The following EXOC2 variants were observed in gnomAD, a reference collection of about 807,000 sequenced individuals.
The protein encoded by EXOC2 is exocyst complex component 2.
EXOC2 carries 70 observed loss-of-function variants against 131.8 expected under a neutral mutation model. That is an observed-to-expected ratio of 0.53 (90% CI 0.44 to 0.65). The LOEUF is 0.65. EXOC2 is among the 30% of genes least tolerant of loss of function. EXOC2 has a pLI of 0.00. For synonymous variants in EXOC2, 411 were observed against 398.4 expected (o/e 1.03, Z -0.38); for missense variants, 923 against 1,108.6 (o/e 0.83, Z 2.38).
intron 4 of EXOC2, among the ~76,000 whole-genome samples, chr6:621,782 A>T (rs1199516228): frequency 6.6e-6 from 1 of 152,132 alleles, no homozygotes; most frequent in Non-Finnish European, 1.5e-5. Context: ...AGTCTCTGGG[A>T]GGGAGGTGGA....
intron 1 of EXOC2, among the ~76,000 whole-genome samples, chr6:658,439 T>G (rs1438113997): frequency 1.3e-5 from 2 of 151,950 alleles, no homozygotes; most frequent in African/African-American, 2.4e-5. Context: ...ATATAGTACA[T>G]ACTTAGACTT....
intron 22 of EXOC2, among the ~76,000 whole-genome samples, 153 bp from the exon 23 acceptor site, chr6:532,763 A>T (rs1487863759): frequency 6.6e-6 from 1 of 152,228 alleles, no homozygotes; most frequent in Non-Finnish European, 1.5e-5. Context: ...AGTAACAAAG[A>T]TCTCTTTTAG....
At chr6:641,296 G>A (rs977694240) in intron 1 of EXOC2, among the ~76,000 whole-genome samples, 1 of 152,146 alleles carries the variant, frequency 6.6e-6, no homozygotes, top group Non-Finnish European at 1.5e-5. Context: ...GTATAATAGA[G>A]TATTTGACCT....
At chr6:656,653 A>G (rs773110049) in intron 1 of EXOC2, 1 of 1,607,166 alleles carries the variant, frequency 6.2e-7, no homozygotes, top group South Asian at 1.1e-5. Context: ...TTCAGGGAGG[A>G]CGCGCCCGCT....
chr6:674,863 C>T (rs2127783679), intron 1 of EXOC2, among the ~76,000 whole-genome samples: 1 of 152,210 alleles, frequency 6.6e-6, no homozygotes, highest in South Asian at 2.1e-4. Flanking sequence ...GAATACCCTT[C>T]AATTAGGCTC....
intron 13 of EXOC2, among the ~76,000 whole-genome samples, chr6:568,477 C>T (rs572517075): frequency 9.9e-5 from 15 of 152,200 alleles, no homozygotes; most frequent in Non-Finnish European, 1.9e-4. Context: ...CAGACCCTTG[C>T]GGCTTGTCAG....
chr6:558,459 A>G (rs1485645692), intron 17 of EXOC2, among the ~76,000 whole-genome samples: 1 of 152,226 alleles, frequency 6.6e-6, no homozygotes, highest in Non-Finnish European at 1.5e-5. Context: ...AGATGTTACA[A>G]TGATAATTAT....
chr6:659,904 AG>A (rs1363910222), intron 1 of EXOC2, among the ~76,000 whole-genome samples: 1 of 150,506 alleles, frequency 6.6e-6, no homozygotes, highest in Non-Finnish European at 1.5e-5. Flanking sequence ...CAGACTCCAC[AG>A]GCGGGGACAG....
At chr6:545,901 TAAATA>T in intron 22 of EXOC2, among the ~76,000 whole-genome samples, 1 of 152,284 alleles carries the variant, frequency 6.6e-6, no homozygotes, top group East Asian at 1.9e-4. Flanking sequence ...ACAAAAATAT[TAAATA>T]AAAATGGAAA....
rs1207569328 is a variant in EXOC2, at chr6:592,562, C to T, written c.1099G>A (p.Gly367Ser). The T allele has an allele frequency of 6.2e-7, 1 of 1,614,048 alleles. No individual in the cohort carries two copies. The highest frequency in any genetic ancestry group is 2.2e-5 in the East Asian group (1 of 44,884). Reference protein sequence around the residue: ...IRYLSDLHASGDPAWQCIGAQ... With the variant: ...IRYLSDLHASSDPAWQCIGAQ... ...CCAATGCATTGCCAAGCAGGGTCAC[C>T]AGACGCATGAAGGTCAGACAGGTAC... is the stretch of plus-strand genomic sequence containing the variant. Residue 367 changes from glycine (G) to serine (S), a missense_variant, in exon 11 of 28, where the codon GGT (glycine) becomes AGT (serine). Transcript: ENST00000230449.
chr6:557,895 C>T (rs1031305234), intron 17 of EXOC2, among the ~76,000 whole-genome samples: 8 of 152,060 alleles, frequency 5.3e-5, no homozygotes, highest in Non-Finnish European at 1.2e-4. Context: ...AACATGAGCA[C>T]AAGTCTTGAG....
chr6:549,840 TA>T (rs1757052660), intron 21 of EXOC2, among the ~76,000 whole-genome samples: 1 of 152,196 alleles, frequency 6.6e-6, no homozygotes, highest in Non-Finnish European at 1.5e-5. Flanking sequence ...AAACAAGGAA[TA>T]ATCTCCCTCT....
rs189147242 is a variant in EXOC2, at chr6:602,634, T to C, written c.743-3409A>G. ...AGGCTGTAGGACAAACCCTGATCTCTATTTGCCAGCCTTGGGCAAACCAAG... is the reference window on the plus strand; with the variant it reads ...AGGCTGTAGGACAAACCCTGATCTCCATTTGCCAGCCTTGGGCAAACCAAG... On this transcript the variant is annotated intron_variant, in intron 7 of 27. Transcript: ENST00000230449. Among the ~76,000 whole-genome samples the C allele has an allele frequency of 1.9e-4, 29 of 152,364 alleles. No homozygotes were observed. The East Asian group carries it at 5.4e-3, about 28-fold the overall frequency.
intron 17 of EXOC2, among the ~76,000 whole-genome samples, chr6:557,402 G>A (rs904985163): frequency 2.6e-5 from 4 of 152,018 alleles, no homozygotes; most frequent in Non-Finnish European, 5.9e-5. Flanking sequence ...GGCGGATCAC[G>A]AGGTCAAGAG....
chr6:690,327 G>C (rs1457168231), intron 1 of EXOC2, among the ~76,000 whole-genome samples: 4 of 152,180 alleles, frequency 2.6e-5, no homozygotes, highest in African/African-American at 9.7e-5. Flanking sequence ...CTGCACTCTA[G>C]CCTGGGTGAC....
intron 23 of EXOC2, among the ~76,000 whole-genome samples, chr6:505,371 G>A (rs983463224): frequency 6.6e-6 from 1 of 152,218 alleles, no homozygotes; most frequent in Non-Finnish European, 1.5e-5. Context: ...GCCGTGGCCT[G>A]AGCGAAGAGG....
At chr6:659,748 C>T (rs1459295622) in intron 1 of EXOC2, among the ~76,000 whole-genome samples, 2 of 152,204 alleles carry the variant, frequency 1.3e-5, no homozygotes, top group Non-Finnish European at 2.9e-5. Flanking sequence ...TGCCTGGCAC[C>T]ACAGGGATCC....
intron 1 of EXOC2, among the ~76,000 whole-genome samples, chr6:674,424 A>T (rs990551391): frequency 2.6e-5 from 4 of 152,232 alleles, no homozygotes; most frequent in Non-Finnish European, 5.9e-5. Flanking sequence ...CTGTTAAAAA[A>T]AAATTACCTT....
At chr6:668,470 G>A (rs1049586805) in intron 1 of EXOC2, among the ~76,000 whole-genome samples, 3 of 152,170 alleles carry the variant, frequency 2.0e-5, no homozygotes, top group Non-Finnish European at 2.9e-5. Context: ...CACACTCAGC[G>A]TTAGGTCCCT....
Sources: gnomAD v4.1 joint callset for allele counts (sites outside exome capture counted in the v4.1 genomes callset) on GRCh38, gnomAD v4.1.1 for gene constraint, MANE v1.5 for transcripts, NCBI Gene and HGNC (gene_info 2026-07-23, HGNC 2026-07-21) for gene names.